WWTR1: variants seen among roughly 807,000 people sequenced by gnomAD.
WWTR1 encodes WW domain containing transcription regulator 1.
WWTR1 carries 13 observed loss-of-function variants against 40.1 expected under a neutral mutation model. The observed-to-expected ratio is 0.32, with a 90% CI of 0.21 to 0.52. The LOEUF (loss-of-function observed/expected upper bound fraction) is 0.52, where lower values mean the gene tolerates loss of function less well. Ranked by LOEUF, WWTR1 falls within the 20% of genes least tolerant of loss-of-function variation. WWTR1 has a pLI of 0.97. For missense variants in WWTR1, 436 were observed against 523.1 expected (o/e 0.83, Z 1.63); for synonymous variants, 230 against 210.1 (o/e 1.09, Z -0.82).
chr3:149,538,197 C>T (rs983505680), intron 4 of WWTR1, among the ~76,000 whole-genome samples: 4 of 152,090 alleles, frequency 2.6e-5, no homozygotes, highest in Non-Finnish European at 5.9e-5. Context: ...TGGGATTACA[C>T]GCGTCAGCCA....
At chr3:149,678,133 T>C (rs1714333761) in intron 1 of WWTR1, among the ~76,000 whole-genome samples, 1 of 152,192 alleles carries the variant, frequency 6.6e-6, no homozygotes, top group Non-Finnish European at 1.5e-5. Context: ...AATGTAATGG[T>C]GCATTTCTTG....
At chr3:149,545,842 A>C (rs953725740) in intron 3 of WWTR1, among the ~76,000 whole-genome samples, 8 of 152,188 alleles carry the variant, frequency 5.3e-5, no homozygotes, top group African/African-American at 1.9e-4. Flanking sequence ...TTTATAACTT[A>C]GATACTTTGG....
intron 5 of WWTR1, among the ~76,000 whole-genome samples, chr3:149,709,101 G>A (rs1464805485): frequency 6.6e-6 from 1 of 152,034 alleles, no homozygotes; most frequent in African/African-American, 2.4e-5. Context: ...CCAGCCTCCT[G>A]AGTACTGGGA....
At chr3:149,592,950 C>T (rs1202730780) in intron 2 of WWTR1, among the ~76,000 whole-genome samples, 1 of 152,008 alleles carries the variant, frequency 6.6e-6, no homozygotes, top group Non-Finnish European at 1.5e-5. Context: ...TGGGGCATGC[C>T]ACATTGAAAA....
At chr3:149,653,701 T>C (rs1194483016) in intron 2 of WWTR1, among the ~76,000 whole-genome samples, 1 of 152,074 alleles carries the variant, frequency 6.6e-6, no homozygotes, top group African/African-American at 2.4e-5. Context: ...CTGTTTCCCA[T>C]TAAGTTCATT....
At chr3:149,714,920 G>A (rs1181391176) in intron 5 of WWTR1, among the ~76,000 whole-genome samples, 1 of 152,110 alleles carries the variant, frequency 6.6e-6, no homozygotes, top group Non-Finnish European at 1.5e-5. Context: ...AGGGAGACAA[G>A]GTGATGACCA....
At chr3:149,523,581 A>G (rs1316976115) in intron 6 of WWTR1, among the ~76,000 whole-genome samples, 1 of 152,208 alleles carries the variant, frequency 6.6e-6, no homozygotes, top group Admixed American at 6.5e-5. Flanking sequence ...TGATTACTGC[A>G]GAATATTCTG....
chr3:149,665,620 A>G (rs937378366), intron 2 of WWTR1, among the ~76,000 whole-genome samples: 1 of 152,234 alleles, frequency 6.6e-6, no homozygotes, highest in Non-Finnish European at 1.5e-5. Context: ...GAAAGTGTTT[A>G]TGAAGACAAT....
intron 1 of WWTR1, among the ~76,000 whole-genome samples, chr3:149,700,324 A>T (rs1715130482): frequency 6.6e-6 from 1 of 151,866 alleles, no homozygotes. Flanking sequence ...AAAAATTAAT[A>T]AAAAAAAGAA....
intron 3 of WWTR1, among the ~76,000 whole-genome samples, chr3:149,549,334 T>A (rs760115172): frequency 6.6e-6 from 1 of 152,232 alleles, no homozygotes; most frequent in African/African-American, 2.4e-5. Flanking sequence ...CTTGATGTGA[T>A]GTAATTAGAA....
At chr3:149,597,444 A>AG (rs1739047939) in intron 2 of WWTR1, among the ~76,000 whole-genome samples, 2 of 147,972 alleles carry the variant, frequency 1.4e-5, no homozygotes, top group African/African-American at 5.2e-5. Flanking sequence ...AAAAAAAAAA[A>AG]AAAGAAGAAG....
chr3:149,594,022 G>C (rs982022723), intron 2 of WWTR1, among the ~76,000 whole-genome samples: 1 of 152,086 alleles, frequency 6.6e-6, no homozygotes, highest in African/African-American at 2.4e-5. Context: ...CCTGTTTCTT[G>C]GGTCAGAGAC....
intron 2 of WWTR1, among the ~76,000 whole-genome samples, chr3:149,604,498 G>C (rs1739396895): frequency 6.6e-6 from 1 of 152,222 alleles, no homozygotes. Flanking sequence ...TTTAGAAAAT[G>C]CAGGAAGTGA....
At chr3:149,682,523 C>A (rs1212746856) in intron 1 of WWTR1, among the ~76,000 whole-genome samples, 1 of 152,128 alleles carries the variant, frequency 6.6e-6, no homozygotes, top group Non-Finnish European at 1.5e-5. Flanking sequence ...ATGAACAAAC[C>A]TCTCTGGTCT....
At chr3:149,527,417 G>A (rs1447217273) in intron 5 of WWTR1, among the ~76,000 whole-genome samples, 1 of 152,170 alleles carries the variant, frequency 6.6e-6, no homozygotes, top group African/African-American at 2.4e-5. Flanking sequence ...AAAGTGCTGG[G>A]ATTATAGGCA....
At chr3:149,569,017 C>T (rs1406188227) in intron 3 of WWTR1, among the ~76,000 whole-genome samples, 2 of 152,188 alleles carry the variant, frequency 1.3e-5, no homozygotes, top group African/African-American at 4.8e-5. Context: ...CCTCCCACCT[C>T]GGTCTCCCAA....
rs544376577 is a variant in WWTR1 at position 149,669,450 on chromosome 3, G to A, written c.-4+338C>T. Among the ~76,000 whole-genome samples the A allele has an allele frequency of 1.3e-4, 20 of 152,324 alleles. No individual in the cohort carries two copies. The East Asian group carries it at 3.9e-3, about 29-fold the overall frequency. Reference sequence around the variant, plus strand: ...TAAATAAGGAATTTCCATTCTTCTAGAAATGTCATTTCACTTGAACTTGCA... The same window carrying A: ...TAAATAAGGAATTTCCATTCTTCTAAAAATGTCATTTCACTTGAACTTGCA... On this transcript the variant is annotated intron_variant, in intron 2 of 7. Transcript: ENST00000465804.
chr3:149,554,685 T>A lies in WWTR1; in HGVS notation c.569-12148A>T, dbSNP rs1736746256. On this transcript the variant is annotated intron_variant, in intron 3 of 6. Transcript: ENST00000360632. ...AATCACATCTTTCTGGCAGGCTGATTTCTTCTGGATCCTTTTTCCTGTAAA... is the reference window on the plus strand; with the variant it reads ...AATCACATCTTTCTGGCAGGCTGATATCTTCTGGATCCTTTTTCCTGTAAA... 4.1e-5 allele frequency among the ~76,000 whole-genome samples: 6 copies of A among 146,774 alleles called. No individual in the cohort carries two copies. The Admixed American group carries it at 4.1e-4, about 10-fold the overall frequency.
chr3:149,530,981 C>T (rs1735549063), intron 4 of WWTR1, among the ~76,000 whole-genome samples: 1 of 151,502 alleles, frequency 6.6e-6, no homozygotes, highest in African/African-American at 2.4e-5. Flanking sequence ...CTCAGCCAGG[C>T]TGGAGTGCAG....
Sources: gnomAD v4.1 joint callset for allele counts (sites outside exome capture counted in the v4.1 genomes callset) on GRCh38, gnomAD v4.1.1 for gene constraint, MANE v1.5 for transcripts, NCBI Gene and HGNC (gene_info 2026-07-23, HGNC 2026-07-21) for gene names.